The following OTOF variants were observed in gnomAD, a reference collection of about 807,000 sequenced individuals.
OTOF encodes the protein fer-1-like family member 2.
Under a neutral mutation model 236.8 loss-of-function variants are expected in OTOF, and 218 were observed. The ratio of observed to expected loss-of-function variants is 0.92; its 90% CI spans 0.82 to 1.03. The LOEUF is 1.03. Ranked by LOEUF, OTOF falls within the 50% of genes least tolerant of loss-of-function variation. The pLI is 0.00. For missense variants in OTOF, 2,590 were observed against 2,694.4 expected (o/e 0.96, Z 0.86); for synonymous variants, 1,041 against 1,072.5 (o/e 0.97, Z 0.57).
At chr2:26,529,613 CT>C (rs1304338864) in intron 2 of OTOF, among the ~76,000 whole-genome samples, 2 of 152,338 alleles carry the variant, frequency 1.3e-5, no homozygotes, top group East Asian at 3.9e-4. Flanking sequence ...GAGATTCCTT[CT>C]CCCAGCCTGG....
rs1039203804 is a variant in OTOF at position 26,507,279 on chromosome 2, C to T, written c.510-3434G>A. Among the ~76,000 whole-genome samples, 3 of 152,220 alleles carry T rather than the reference C, an allele frequency of 2.0e-5. No individual in the cohort carries two copies. The South Asian group carries it at 6.2e-4, about 32-fold the overall frequency. ...CTCTTCAATGAATCTGAATTGTGAT[C>T]AGTACAGCATGATGTCATCACTGCC... On this transcript the variant is annotated intron_variant, in intron 5 of 46. Coordinates refer to ENST00000272371, the MANE Select transcript of OTOF (RefSeq NM_194248.3).
chr2:26,517,507 G>C (rs1456457208), intron 4 of OTOF, among the ~76,000 whole-genome samples: 1 of 152,214 alleles, frequency 6.6e-6, no homozygotes, highest in Non-Finnish European at 1.5e-5. Flanking sequence ...CATATCAGGA[G>C]GTTAAGTTAC....
chr2:26,462,951 C>G lies in OTOF; in HGVS notation c.5192+532G>C, dbSNP rs993482427. 6.6e-6 allele frequency among the ~76,000 whole-genome samples: 1 copy of G among 152,224 alleles called. No homozygotes were observed. The highest frequency in any genetic ancestry group is 1.5e-5 in the Non-Finnish European group (1 of 68,042). ...ATGGGAAACCCGGGTTCTTTTCACT[C>G]TACCACCTCCTGCCTCTTCCAGGCA... On this transcript the variant is annotated intron_variant, in intron 41 of 46. Coordinates refer to ENST00000272371, the MANE Select transcript of OTOF (RefSeq NM_194248.3). This position sits in a 1 kb window ranked among gnomAD's most constrained non-coding sequence, Gnocchi z 4.7.
intron 39 of OTOF, 31 bp downstream of exon 39, chr2:26,464,838 G>C (rs200008703): frequency 1.3e-6 from 2 of 1,595,120 alleles, no homozygotes; most frequent in East Asian, 4.5e-5. Context: ...CCTGGAGAGG[G>C]GGCAGGCGGC....
At position 26,472,508 on chromosome 2, in the gene OTOF, AC is replaced by A. The variant is rs751648187; in HGVS notation, c.3864+10del. On this transcript the variant is annotated intron_variant, in intron 30 of 46. Coordinates refer to ENST00000272371, the MANE Select transcript of OTOF (RefSeq NM_194248.3). ...TCCCAGCCAGCAGGGGGCTGACCCCACCCGCCTTACCGCGTCCAGCTTCACC... is the reference window on the plus strand; with the variant it reads ...TCCCAGCCAGCAGGGGGCTGACCCCACCGCCTTACCGCGTCCAGCTTCACC... 8 of 1,612,934 alleles carry A rather than the reference AC, an allele frequency of 5.0e-6. No homozygotes were observed. The African/African-American group carries it at 1.1e-4, about 22-fold the overall frequency.
intron 11 of OTOF, among the ~76,000 whole-genome samples, chr2:26,486,350 A>T (rs1326628159): frequency 2.0e-5 from 3 of 146,432 alleles, no homozygotes; most frequent in Non-Finnish European, 4.5e-5. Flanking sequence ...GGGTGGGTGG[A>T]CCAATGGATA....
At chr2:26,536,186 A>T (rs1266896847) in intron 2 of OTOF, among the ~76,000 whole-genome samples, 1 of 151,954 alleles carries the variant, frequency 6.6e-6, no homozygotes, top group Non-Finnish European at 1.5e-5. Context: ...AGCATCTATG[A>T]CAGCTGTCTC....
At chr2:26,487,817 A>AT (rs1665737337) in intron 11 of OTOF, among the ~76,000 whole-genome samples, 1 of 152,196 alleles carries the variant, frequency 6.6e-6, no homozygotes, top group Non-Finnish European at 1.5e-5. Flanking sequence ...GGAAAGCAAC[A>AT]TGGCAGGAGG....
intron 32 of OTOF, among the ~76,000 whole-genome samples, chr2:26,469,513 T>C (rs899241870): frequency 1.3e-5 from 2 of 152,258 alleles, no homozygotes; most frequent in African/African-American, 4.8e-5. Flanking sequence ...TTCTGATCAA[T>C]GTGAGTGGAA....
At chr2:26,505,713 C>T (rs1292309664) in intron 5 of OTOF, among the ~76,000 whole-genome samples, 3 of 152,308 alleles carry the variant, frequency 2.0e-5, no homozygotes, top group Non-Finnish European at 2.9e-5. Flanking sequence ...TCCTTTGCCT[C>T]GATGCCGTAG....
intron 1 of OTOF, among the ~76,000 whole-genome samples, chr2:26,545,088 T>C (rs1401274825): frequency 1.3e-5 from 2 of 152,000 alleles, no homozygotes; most frequent in African/African-American, 4.8e-5. Flanking sequence ...CAAATAGTTT[T>C]CTAAGGGGAT....
Position 26,460,124 on chromosome 2 carries a change from C to G in OTOF, c.5895G>C (p.Leu1965=). The G allele has an allele frequency of 2.5e-6, 4 of 1,595,286 alleles. No homozygotes were observed. The Middle Eastern group carries it at 7.4e-4, about 294-fold the overall frequency. Reference sequence around the variant, plus strand: ...GCAGGAGCAGCAACAGTTTGAGGAGCAGCCAGCGATACGTGTGCCACAAGA... The same window carrying G: ...GCAGGAGCAGCAACAGTTTGAGGAGGAGCCAGCGATACGTGTGCCACAAGA... ...RYFLWHTYRW[L]LLKLLLLLLL... The change falls in exon 46 of 47, where the codon CTG becomes CTC. Residue 1965 remains leucine (L), a synonymous_variant. Coordinates refer to ENST00000272371, the MANE Select transcript of OTOF (RefSeq NM_194248.3). This position sits in a 1 kb window ranked among gnomAD's most constrained non-coding sequence, Gnocchi z 5.3.
Position 26,471,228 on chromosome 2 carries a change from G to T in OTOF, c.3865-78C>A, listed in dbSNP as rs1468561696. The T allele has an allele frequency of 5.9e-6, 9 of 1,524,614 alleles. No homozygotes were observed. In the South Asian group the frequency reaches 1.0e-4, roughly 17 times the overall value. 94.4% of individuals were successfully genotyped at this position (1,524,614 alleles called of 1,614,324 possible). ...GGCAGGCAGTGGCCTAGCACAGGGTGTGTGGAGGAGCCGAGATGGAAATTA... is the reference window on the plus strand; with the variant it reads ...GGCAGGCAGTGGCCTAGCACAGGGTTTGTGGAGGAGCCGAGATGGAAATTA... On this transcript the variant is annotated intron_variant, in intron 30 of 46. Coordinates refer to ENST00000272371, the MANE Select transcript of OTOF (RefSeq NM_194248.3).
rs531451574 is a variant in OTOF, at chr2:26,503,610, C to T, written c.583+162G>A. Among the ~76,000 whole-genome samples, 10 of 152,348 alleles carry T rather than the reference C, an allele frequency of 6.6e-5. No individual in the cohort carries two copies. In the South Asian group the frequency reaches 2.1e-3, roughly 32 times the overall value. On this transcript the variant is annotated intron_variant, in intron 6 of 46. Coordinates refer to ENST00000272371, the MANE Select transcript of OTOF (RefSeq NM_194248.3). ...CGCTGCCCGTTTCCCTCCCTCGGCC[C>T]TAGGGCGTCTCCTTCCTAGAGGGCC...
chr2:26,504,527 C>T (rs1365796383), intron 5 of OTOF, among the ~76,000 whole-genome samples: 1 of 152,148 alleles, frequency 6.6e-6, no homozygotes, highest in Non-Finnish European at 1.5e-5. Context: ...TCTACCTGTC[C>T]CCTCTCACTG....
chr2:26,543,669 C>T (rs1667259929), intron 1 of OTOF, among the ~76,000 whole-genome samples: 1 of 152,210 alleles, frequency 6.6e-6, no homozygotes, highest in Non-Finnish European at 1.5e-5. Flanking sequence ...TAAGAAACAG[C>T]TATTCTCAGT....
At chr2:26,465,424 C>T (rs1388895178) in intron 38 of OTOF, among the ~76,000 whole-genome samples, 1 of 152,236 alleles carries the variant, frequency 6.6e-6, no homozygotes, top group Non-Finnish European at 1.5e-5. Flanking sequence ...CTAGCCCCCA[C>T]CTTCCCTAGC....
At chr2:26,468,523 G>A (rs1238543770) in intron 32 of OTOF, 49 bp from the exon 33 acceptor site, 1 of 1,476,742 alleles carries the variant, frequency 6.8e-7, no homozygotes, top group Admixed American at 1.7e-5. Context: ...TCCTGGGGAG[G>A]AGTCTGTTGA....
chr2:26,535,769 A>G (rs1004707787), intron 2 of OTOF, among the ~76,000 whole-genome samples: 1 of 152,100 alleles, frequency 6.6e-6, no homozygotes, highest in African/African-American at 2.4e-5. Context: ...CATGCACTAG[A>G]TGCTCGGAAT....
Sources: allele counts gnomAD v4.1 joint callset (sites outside exome capture counted in the v4.1 genomes callset), GRCh38; gene constraint gnomAD v4.1.1; non-coding constraint Gnocchi (gnomAD v3.1); transcripts MANE v1.5; gene names NCBI Gene and HGNC (gene_info 2026-07-23, HGNC 2026-07-21).